HDAC4: variants seen among roughly 807,000 people sequenced by gnomAD.
HDAC4 encodes the protein histone deacetylase A.
A neutral mutation model predicts 135.1 loss-of-function variants in HDAC4; 16 were observed. That is an observed-to-expected ratio of 0.12 (90% CI 0.08 to 0.18). HDAC4 has a LOEUF of 0.18. HDAC4 is among the 10% of genes least tolerant of loss of function. The probability of loss-of-function intolerance (pLI) is 1.00; values close to 1 mark genes in which losing one functional copy is unlikely to be tolerated. For missense variants in HDAC4, 1,143 were observed against 1,511.8 expected, an observed-to-expected ratio of 0.76 and a Z score of 4.05; for synonymous variants, 685 against 653.4, an observed-to-expected ratio of 1.05 and a Z score of -0.74.
intron 19 of HDAC4, among the ~76,000 whole-genome samples, chr2:239,084,791 C>G (rs1354118488): frequency 6.7e-6 from 1 of 149,200 alleles, no homozygotes; most frequent in Admixed American, 6.7e-5. Context: ...CAGACACACA[C>G]CCCACACACA....
At chr2:239,117,215 C>T (rs1203238728) in intron 12 of HDAC4, among the ~76,000 whole-genome samples, 4 of 152,134 alleles carry the variant, frequency 2.6e-5, no homozygotes, top group Admixed American at 6.5e-5. Context: ...CACAGGGTGC[C>T]GGAGACGAGG....
intron 23 of HDAC4, 67 bp from the exon 24 acceptor site, chr2:239,066,922 G>T (rs145809704): frequency 1.9e-6 from 3 of 1,563,470 alleles, no homozygotes; most frequent in African/African-American, 1.4e-5. Context: ...GCCCAGAAAC[G>T]CGTCTCATGG....
chr2:239,102,620 G>C, intron 16 of HDAC4, 156 bp downstream of exon 16: 3 of 782,128 alleles, frequency 3.8e-6, no homozygotes, highest in Non-Finnish European at 6.3e-6. Context: ...CCAGTGGCTT[G>C]TGAACAGAGG....
In HDAC4 at chr2:239,050,394, G is replaced by C. The variant is rs1274036031; in HGVS notation, c.*2703C>G. 1 of 152,264 alleles carries C rather than the reference G, an allele frequency of 6.6e-6. No individual in the cohort carries two copies. Among genetic ancestry groups the C allele is most frequent in the African/African-American group, 2.4e-5 (1 of 41,458 alleles). The allele number at this position is 152,264 out of a possible 1,614,324, so 9.4% of individuals were successfully genotyped here. A position where few individuals can be genotyped will look rare whatever the true frequency, so the allele number is the denominator to read the frequency against. Reference sequence around the variant, plus strand: ...ATCCCCAGAGGGCTATGCAGAGAATGAGGCCAAGGAGGCCAGAAGAGCCTG... The same window carrying C: ...ATCCCCAGAGGGCTATGCAGAGAATCAGGCCAAGGAGGCCAGAAGAGCCTG... On this transcript the variant is annotated 3_prime_UTR_variant, in exon 27 of 27. Coordinates refer to ENST00000543185, the MANE Select transcript of HDAC4 (RefSeq NM_001378414.1).
chr2:239,052,851 G>A lies in HDAC4; in HGVS notation c.*246C>T, dbSNP rs951843242. On this transcript the variant is annotated 3_prime_UTR_variant, in exon 27 of 27. Coordinates refer to ENST00000543185, the MANE Select transcript of HDAC4 (RefSeq NM_001378414.1). ...GTGTGCTTGGCTTCCGCGTGTCCGT[G>A]TGTCTGCGCGTCGCCGGCGTCTGTC... 18 of 563,650 alleles carry A rather than the reference G, an allele frequency of 3.2e-5. No homozygotes were observed. The highest frequency in any genetic ancestry group is 3.0e-4 in the African/African-American group (16 of 53,158). 34.9% of individuals were successfully genotyped at this position (563,650 alleles called of 1,614,324 possible). A position where few individuals can be genotyped will look rare whatever the true frequency, so the allele number is the denominator to read the frequency against.
chr2:239,236,457 AC>A, intron 3 of HDAC4, 135 bp downstream of exon 3: 1 of 682,502 alleles, frequency 1.5e-6, no homozygotes, highest in Non-Finnish European at 2.6e-6. Flanking sequence ...CAGGAAGAGC[AC>A]CCAAATTCAG....
At chr2:239,065,645 C>T (rs1216452136) in intron 24 of HDAC4, among the ~76,000 whole-genome samples, 2 of 152,218 alleles carry the variant, frequency 1.3e-5, no homozygotes, top group Non-Finnish European at 1.5e-5. Flanking sequence ...TCCCAGAGGG[C>T]ACAGGAGGCA....
intron 1 of HDAC4, among the ~76,000 whole-genome samples, chr2:239,388,816 T>A (rs1305159184): frequency 6.6e-6 from 1 of 152,238 alleles, no homozygotes; most frequent in Non-Finnish European, 1.5e-5. Context: ...GGGATCTCCC[T>A]GCTGAGCTGC....
chr2:239,067,244 G>A (rs2152583772), intron 23 of HDAC4, among the ~76,000 whole-genome samples: 1 of 152,258 alleles, frequency 6.6e-6, no homozygotes, highest in South Asian at 2.1e-4. Context: ...GTGTACACAT[G>A]TGCACAGGCT....
Position 239,245,271 on chromosome 2 carries a change from T to C in HDAC4, c.23-8607A>G, listed in dbSNP as rs1181019179. 6.6e-6 allele frequency among the ~76,000 whole-genome samples: 1 copy of C among 152,188 alleles called. No individual in the cohort carries two copies. Among genetic ancestry groups the C allele is most frequent in the African/African-American group, 2.4e-5 (1 of 41,440 alleles). On this transcript the variant is annotated intron_variant, in intron 2 of 26. Coordinates refer to ENST00000543185, the MANE Select transcript of HDAC4 (RefSeq NM_001378414.1). This position sits in a 1 kb window ranked among gnomAD's most constrained non-coding sequence, Gnocchi z 4.4. ...GAAGTACGGGTTTGGCAGAACCTGC[T>C]AAAGGACACTGGATTGGCTATGATC...
chr2:239,202,464 C>T (rs1451908863), intron 3 of HDAC4, among the ~76,000 whole-genome samples: 2 of 152,172 alleles, frequency 1.3e-5, no homozygotes, highest in Admixed American at 1.3e-4. Context: ...AGCGGGGTGA[C>T]TCTGGAGAAG....
intron 5 of HDAC4, among the ~76,000 whole-genome samples, chr2:239,170,260 T>G (rs533966542): frequency 6.6e-6 from 1 of 152,354 alleles, no homozygotes; most frequent in South Asian, 2.1e-4. Context: ...ATAGGCATAA[T>G]AATACAGTTT....
intron 2 of HDAC4, among the ~76,000 whole-genome samples, chr2:239,283,482 G>A (rs1575606181): frequency 1.3e-5 from 2 of 152,334 alleles, no homozygotes; most frequent in African/African-American, 4.8e-5. Flanking sequence ...ACCGCGAGGG[G>A]CCTGGGACGC....
intron 1 of HDAC4, among the ~76,000 whole-genome samples, chr2:239,393,731 T>G (rs1192229790): frequency 6.6e-6 from 1 of 152,058 alleles, no homozygotes; most frequent in East Asian, 1.9e-4. Context: ...CCTGCCTGTT[T>G]AGCTCCTTTT....
At chr2:239,156,852 C>G (rs1467881747) in intron 6 of HDAC4, 79 bp from the exon 7 acceptor site, 1 of 1,561,310 alleles carries the variant, frequency 6.4e-7, no homozygotes, top group East Asian at 2.3e-5. Flanking sequence ...AAGCCACACA[C>G]GATGATCTTT....
At chr2:239,063,029 T>C (rs964356241) in intron 24 of HDAC4, among the ~76,000 whole-genome samples, 7 of 152,138 alleles carry the variant, frequency 4.6e-5, no homozygotes, top group African/African-American at 9.6e-5. Flanking sequence ...GGCCATTGCC[T>C]GCTGTCGCTC....
intron 6 of HDAC4, among the ~76,000 whole-genome samples, chr2:239,157,714 T>C (rs2042516753): frequency 1.3e-5 from 2 of 152,238 alleles, no homozygotes; most frequent in Admixed American, 1.3e-4. Flanking sequence ...TTGGTTAGAC[T>C]ATTTGAATAC....
chr2:239,123,319 G>A (rs950412672), intron 12 of HDAC4, among the ~76,000 whole-genome samples: 4 of 152,260 alleles, frequency 2.6e-5, no homozygotes, highest in African/African-American at 9.6e-5. Context: ...CCCAATGAGG[G>A]GATTTGCTGG....
Position 239,349,683 on chromosome 2 carries a change from C to A in HDAC4, c.22+2995G>T, listed in dbSNP as rs557293557. On this transcript the variant is annotated intron_variant, in intron 2 of 26. Coordinates refer to ENST00000543185, the MANE Select transcript of HDAC4 (RefSeq NM_001378414.1). The surrounding 1 kb of genome is among the most constrained non-coding windows in gnomAD (Gnocchi z 5.7). ...GCCAGTGTGTGCAGGTGGTGGTATG[C>A]ACGTGTTGGGCACAAGGGGTCCTGC... is the stretch of plus-strand genomic sequence containing the variant. 6.6e-6 allele frequency among the ~76,000 whole-genome samples: 1 copy of A among 152,340 alleles called. No individual in the cohort carries two copies. The highest frequency in any genetic ancestry group is 2.1e-4 in the South Asian group (1 of 4,834).
Sources: allele counts gnomAD v4.1 joint callset (sites outside exome capture counted in the v4.1 genomes callset), GRCh38; gene constraint gnomAD v4.1.1; non-coding constraint Gnocchi (gnomAD v3.1); transcripts MANE v1.5; gene names NCBI Gene and HGNC (gene_info 2026-07-23, HGNC 2026-07-21).